PANK2: variants seen among roughly 807,000 people sequenced by gnomAD.
PANK2 encodes the protein pantothenate kinase 2, mitochondrial.
Under a neutral mutation model 43.1 loss-of-function variants are expected in PANK2, and 36 were observed. The ratio of observed to expected loss-of-function variants is 0.84; its 90% confidence interval spans 0.64 to 1.10. PANK2 has a LOEUF of 1.10. PANK2 is among the 50% of genes least tolerant of loss of function. The probability of loss-of-function intolerance (pLI) is 0.00; values close to 1 mark genes in which losing one functional copy is unlikely to be tolerated. For missense variants in PANK2, 576 were observed against 593.3 expected, an observed-to-expected ratio of 0.97 and a Z score of 0.30; for synonymous variants, 281 against 238.2, an observed-to-expected ratio of 1.18 and a Z score of -1.66.
At chr20:3,913,646 T>TTTC (rs1555788838) in intron 4 of PANK2, among the ~76,000 whole-genome samples, 4 of 150,526 alleles carry the variant, frequency 2.7e-5, no homozygotes, top group Non-Finnish European at 5.9e-5. Flanking sequence ...CCACATAATA[T>TTTC]TTCATTACGT....
In PANK2 at chr20:3,918,869, G is replaced by A. The variant is rs41279404; in HGVS notation, c.1332+73G>A. 35,983 of 1,609,604 alleles carry A rather than the reference G, an allele frequency of 0.022. 490 individuals are homozygous for A. The highest frequency in any genetic ancestry group is 0.027 in the Non-Finnish European group (31,587 of 1,176,048). On this transcript the variant is annotated intron_variant, in intron 6 of 6. Coordinates refer to ENST00000610179, the MANE Select transcript of PANK2 (RefSeq NM_001386393.1). ...TGGGTCACACTGTCATGGAACTTGA[G>A]GTAGAGGGTGGAGGTGAAATGGGCT...
At position 3,924,441 on chromosome 20, in the gene PANK2, G is replaced by C. The variant is rs575200489; in HGVS notation, c.*1147G>C. 6.6e-6 allele frequency: 1 copy of C among 152,416 alleles called. No homozygotes were observed. The highest frequency in any genetic ancestry group is 2.4e-5 in the African/African-American group (1 of 41,442). The allele number at this position is 152,416 out of a possible 1,614,324, so 9.4% of individuals were successfully genotyped here. A position where few individuals can be genotyped will look rare whatever the true frequency, so the allele number is the denominator to read the frequency against. ...TCAGGGAGGGATGGGCAGGGTGCCA[G>C]CCGCATGGAGGCAGCAGAGACACCC... On this transcript the variant is annotated 3_prime_UTR_variant, in exon 7 of 7. Coordinates refer to ENST00000610179, the MANE Select transcript of PANK2 (RefSeq NM_001386393.1).
intron 1 of PANK2, among the ~76,000 whole-genome samples, chr20:3,893,687 T>G (rs2090158341): frequency 6.6e-6 from 1 of 152,180 alleles, no homozygotes; most frequent in African/African-American, 2.4e-5. Context: ...AGTTTTTGTT[T>G]GTAGCTTGAC....
chr20:3,891,074 G>C (rs1286622562), intron 1 of PANK2, among the ~76,000 whole-genome samples: 1 of 152,148 alleles, frequency 6.6e-6, no homozygotes, highest in African/African-American at 2.4e-5. Flanking sequence ...CTTTGAGACA[G>C]CGTCTTGTTC....
Position 3,926,667 on chromosome 20 carries a change from C to T in PANK2, c.*3373C>T, listed in dbSNP as rs1160296845. The T allele has an allele frequency of 6.5e-6, 1 of 152,768 alleles. No individual in the cohort carries two copies. The highest frequency in any genetic ancestry group is 1.5e-5 in the Non-Finnish European group (1 of 68,564). 9.5% of individuals were successfully genotyped at this position (152,768 alleles called of 1,614,324 possible). ...TCAGTTCCACTACTTTGGCCAGGTG[C>T]AATGGCTCATGCCTGTAATCCCAGC... is the stretch of plus-strand genomic sequence containing the variant. On this transcript the variant is annotated 3_prime_UTR_variant, in exon 7 of 7. Transcript: ENST00000610179.
chr20:3,911,355 C>T (rs1233221326), intron 3 of PANK2, among the ~76,000 whole-genome samples: 1 of 151,688 alleles, frequency 6.6e-6, no homozygotes, highest in East Asian at 1.9e-4. Context: ...GAGGCTGGGG[C>T]GGGTGGATCA....
rs2090482332 is a variant in PANK2, at chr20:3,912,457, G to A, written c.906-1G>A. ...ACTGTGTTAATTGTTTTTAATCATA[G>A]TCTTGGAGGAGGAACTTTTTTTGGT... On this transcript the variant is annotated splice_acceptor_variant, in intron 3 of 6. Coordinates refer to ENST00000610179, the MANE Select transcript of PANK2 (RefSeq NM_001386393.1). LOFTEE classifies it high-confidence loss of function. 1 of 1,613,964 alleles carries A rather than the reference G, an allele frequency of 6.2e-7. No individual in the cohort carries two copies. Among genetic ancestry groups the A allele is most frequent in the Non-Finnish European group, 8.5e-7 (1 of 1,179,924 alleles).
chr20:3,916,560 G>C (rs1040875588), intron 4 of PANK2, among the ~76,000 whole-genome samples: 1 of 152,232 alleles, frequency 6.6e-6, no homozygotes, highest in Non-Finnish European at 1.5e-5. Flanking sequence ...GGCCATCTGA[G>C]TGGAACAGCT....
At chr20:3,901,683 C>T in intron 1 of PANK2, 1 of 835,864 alleles carries the variant, frequency 1.2e-6, no homozygotes, top group South Asian at 5.6e-5. Flanking sequence ...TTTCTTAAAG[C>T]TCTTGGATTA....
chr20:3,904,450 G>A (rs1462405740), intron 1 of PANK2, among the ~76,000 whole-genome samples: 1 of 150,760 alleles, frequency 6.6e-6, no homozygotes, highest in Non-Finnish European at 1.5e-5. Flanking sequence ...TCCTGTAGTC[G>A]TAGTTACTTG....
At chr20:3,900,824 A>G (rs1049193298) in intron 1 of PANK2, among the ~76,000 whole-genome samples, 2 of 151,850 alleles carry the variant, frequency 1.3e-5, no homozygotes, top group Admixed American at 6.6e-5. Flanking sequence ...GCTGGAATGC[A>G]GTGGTGCGAT....
chr20:3,908,282 T>C lies in PANK2; in HGVS notation c.651+4T>C. 1.9e-6 allele frequency: 3 copies of C among 1,592,466 alleles called. No homozygotes were observed. The highest frequency in any genetic ancestry group is 2.6e-6 in the Non-Finnish European group (3 of 1,169,234). ...ATTTGAGCAGGATTTTCTCACAGTA[T>C]GCATTTTTTAGCTTATATACAATTT... On this transcript the variant is annotated splice_donor_region_variant and intron_variant, in intron 2 of 6. Coordinates refer to ENST00000610179, the MANE Select transcript of PANK2 (RefSeq NM_001386393.1).
intron 4 of PANK2, among the ~76,000 whole-genome samples, chr20:3,915,843 G>A (rs903582274): frequency 6.6e-6 from 1 of 152,170 alleles, no homozygotes; most frequent in Non-Finnish European, 1.5e-5. Flanking sequence ...ATATATGTCT[G>A]TTTTTATACC....
chr20:3,914,440 T>C (rs1273000421), intron 4 of PANK2, among the ~76,000 whole-genome samples: 1 of 151,906 alleles, frequency 6.6e-6, no homozygotes, highest in African/African-American at 2.4e-5. Flanking sequence ...CTCAGTCTCC[T>C]GAGTCACTAG....
rs41279406 is a variant in PANK2 at position 3,918,900 on chromosome 20, G to A, written c.1332+104G>A. On this transcript the variant is annotated intron_variant, in intron 6 of 6. Coordinates refer to ENST00000610179, the MANE Select transcript of PANK2 (RefSeq NM_001386393.1). ...GGGTGGAGGTGAAATGGGCTGCAGT[G>A]TTTCTTTTGTTTTTTGTTTTTTTGA... The A allele has an allele frequency of 3.1e-3, 4,888 of 1,578,538 alleles. 17 individuals are homozygous for A. Among genetic ancestry groups the A allele is most frequent in the Non-Finnish European group, 3.6e-3 (4,147 of 1,148,604 alleles).
intron 1 of PANK2, among the ~76,000 whole-genome samples, chr20:3,901,025 C>T (rs1361809620): frequency 6.6e-6 from 1 of 151,850 alleles, no homozygotes; most frequent in Non-Finnish European, 1.5e-5. Flanking sequence ...CTGCCTTGGC[C>T]TCCCAGAGTG....
At chr20:3,888,965 AC>A, upstream of PANK2, 8 of 624,892 alleles carry the variant, frequency 1.3e-5, no homozygotes, top group Admixed American at 3.3e-5. Flanking sequence ...CTGCGGGAGC[AC>A]TGCTGGGCTG....
chr20:3,912,930 C>CA (rs71331078), intron 4 of PANK2, among the ~76,000 whole-genome samples: 1,423 of 71,294 alleles, frequency 0.02, 112 homozygotes, highest in East Asian at 0.17. Flanking sequence ...GACTCTGTCT[C>CA]AAAAAAAAAA....
At chr20:3,913,801 T>C (rs1364198099) in intron 4 of PANK2, among the ~76,000 whole-genome samples, 2 of 147,832 alleles carry the variant, frequency 1.4e-5, no homozygotes, top group East Asian at 2.0e-4. Context: ...TTTTTTTTTT[T>C]TTTTTGAGAC....
Sources: allele counts gnomAD v4.1 joint callset (sites outside exome capture counted in the v4.1 genomes callset), GRCh38; gene constraint gnomAD v4.1.1; transcripts MANE v1.5; gene names NCBI Gene and HGNC (gene_info 2026-07-23, HGNC 2026-07-21).